The following PRKCB variants were observed in gnomAD, a reference collection of about 807,000 sequenced individuals.
The protein encoded by PRKCB is protein kinase C beta, also known as protein kinase C beta type.
In PRKCB, 13 loss-of-function variants were observed where a neutral mutation model predicts 81.5. The observed-to-expected ratio is 0.16, with a 90% confidence interval of 0.10 to 0.25. The LOEUF (loss-of-function observed/expected upper bound fraction) is 0.25. Among genes scored for constraint, PRKCB ranks in the 10% least tolerant of loss-of-function variants. PRKCB has a pLI of 1.00. For missense variants in PRKCB, 509 were observed against 875.7 expected (o/e 0.58, Z 5.29); for synonymous variants, 335 against 321.4 (o/e 1.04, Z -0.45).
At chr16:24,177,270 G>A (rs1015532543) in intron 12 of PRKCB, among the ~76,000 whole-genome samples, 2 of 152,178 alleles carry the variant, frequency 1.3e-5, no homozygotes, top group African/African-American at 4.8e-5. Flanking sequence ...CGGCTCACTG[G>A]CCAGGCAGGT....
intron 2 of PRKCB, among the ~76,000 whole-genome samples, chr16:23,885,052 T>A (rs1201898574): frequency 6.6e-6 from 1 of 152,038 alleles, no homozygotes; most frequent in East Asian, 1.9e-4. Flanking sequence ...TACTTTTAAG[T>A]AGTTATTGTG....
intron 15 of PRKCB, among the ~76,000 whole-genome samples, chr16:24,189,558 C>A (rs11648395): frequency 6.7e-6 from 1 of 148,156 alleles, no homozygotes; most frequent in African/African-American, 2.5e-5. Flanking sequence ...AGGAGAATGG[C>A]GTGAACCCGG....
intron 5 of PRKCB, among the ~76,000 whole-genome samples, chr16:24,058,373 T>C (rs1965931093): frequency 6.6e-6 from 1 of 152,100 alleles, no homozygotes; most frequent in African/African-American, 2.4e-5. Context: ...ACAATTGACA[T>C]GTACAGATGC....
chr16:24,036,820 G>A (rs1965628034), intron 5 of PRKCB, among the ~76,000 whole-genome samples: 1 of 152,112 alleles, frequency 6.6e-6, no homozygotes, highest in Non-Finnish European at 1.5e-5. Flanking sequence ...TGAGGTTCCC[G>A]ATGCTGGTGA....
chr16:24,027,738 A>G (rs985991926), intron 3 of PRKCB, among the ~76,000 whole-genome samples: 19 of 152,198 alleles, frequency 1.2e-4, no homozygotes, highest in Admixed American at 1.0e-3. Flanking sequence ...AGTCAGGTTT[A>G]TTGAGACATA....
intron 10 of PRKCB, 106 bp downstream of exon 10, chr16:24,154,963 T>G: frequency 7.6e-7 from 1 of 1,307,294 alleles, no homozygotes; most frequent in Non-Finnish European, 1.0e-6. Flanking sequence ...ACCCTTCCCT[T>G]TCTAGACACA....
chr16:24,001,783 T>G (rs1274907200), intron 3 of PRKCB, among the ~76,000 whole-genome samples: 1 of 152,120 alleles, frequency 6.6e-6, no homozygotes, highest in Non-Finnish European at 1.5e-5. Context: ...AAATAAACCT[T>G]TACAATTTTT....
At chr16:23,941,609 A>G (rs919333321) in intron 2 of PRKCB, among the ~76,000 whole-genome samples, 3 of 152,330 alleles carry the variant, frequency 2.0e-5, no homozygotes, top group African/African-American at 7.2e-5. Context: ...ATTATTAGGA[A>G]GTCTATTAAT....
chr16:24,049,831 G>C (rs1217032957), intron 5 of PRKCB, among the ~76,000 whole-genome samples: 1 of 152,220 alleles, frequency 6.6e-6, no homozygotes, highest in Non-Finnish European at 1.5e-5. Context: ...TTAGCATTGT[G>C]GGTGCTTAGC....
chr16:24,037,950 G>A (rs756302252), intron 5 of PRKCB, among the ~76,000 whole-genome samples: 1 of 152,014 alleles, frequency 6.6e-6, no homozygotes, highest in Non-Finnish European at 1.5e-5. Context: ...CGCTTTGGAA[G>A]ACCGAGGTGG....
chr16:24,155,311 G>A (rs576892105), intron 10 of PRKCB, among the ~76,000 whole-genome samples: 2 of 152,318 alleles, frequency 1.3e-5, no homozygotes, highest in South Asian at 4.1e-4. Context: ...GGACTCTCAG[G>A]GAAGGTACAC....
Position 24,124,862 on chromosome 16 carries a change from C to T in PRKCB, c.1065+881C>T, listed in dbSNP as rs143936530. Among the ~76,000 whole-genome samples the T allele has an allele frequency of 2.1e-3, 324 of 152,068 alleles. 1 individual carries two copies. Among genetic ancestry groups the T allele is most frequent in the African/African-American group, 7.2e-3 (299 of 41,354 alleles). On this transcript the variant is annotated intron_variant, in intron 9 of 16. Transcript: ENST00000643927. ...GTATTCCCACTGTTCCTGGCCACCG[C>T]CCCCCACAGCCATGTACAATGCATT...
At chr16:23,894,644 G>A (rs1963345686) in intron 2 of PRKCB, among the ~76,000 whole-genome samples, 1 of 152,206 alleles carries the variant, frequency 6.6e-6, no homozygotes, top group Non-Finnish European at 1.5e-5. Context: ...GAACCACCTG[G>A]CTGAGTCTAG....
intron 2 of PRKCB, among the ~76,000 whole-genome samples, chr16:23,873,216 A>C (rs1157336016): frequency 6.6e-6 from 1 of 150,580 alleles, no homozygotes; most frequent in African/African-American, 2.4e-5. Flanking sequence ...AAAAGAAAAA[A>C]AAAGTTAGCT....
At chr16:23,841,191 T>C (rs961431495) in intron 2 of PRKCB, among the ~76,000 whole-genome samples, 4 of 152,166 alleles carry the variant, frequency 2.6e-5, no homozygotes, top group African/African-American at 9.7e-5. Flanking sequence ...GCGATTCTTC[T>C]GCCTCAGCCT....
At chr16:24,178,212 A>G (rs1967565005) in intron 12 of PRKCB, among the ~76,000 whole-genome samples, 1 of 152,228 alleles carries the variant, frequency 6.6e-6, no homozygotes, top group Non-Finnish European at 1.5e-5. Context: ...TCTTCCTATC[A>G]AACTTAGTGT....
intron 5 of PRKCB, among the ~76,000 whole-genome samples, chr16:24,073,800 A>G (rs2141886867): frequency 6.6e-6 from 1 of 152,296 alleles, no homozygotes; most frequent in Middle Eastern, 3.4e-3. Flanking sequence ...GATCTTTTCC[A>G]GAAGGAGTCC....
At chr16:24,055,796 G>A (rs1231586336) in intron 5 of PRKCB, among the ~76,000 whole-genome samples, 1 of 152,126 alleles carries the variant, frequency 6.6e-6, no homozygotes, top group Non-Finnish European at 1.5e-5. Flanking sequence ...GTTTTGTAGG[G>A]GTGTGTGGTG....
chr16:24,150,770 C>T (rs1048526485), intron 9 of PRKCB, among the ~76,000 whole-genome samples: 9 of 152,162 alleles, frequency 5.9e-5, no homozygotes, highest in Non-Finnish European at 1.0e-4. Context: ...CAGACCGTCC[C>T]GCAAAGCCTA....
Sources: gnomAD v4.1 joint callset for allele counts (sites outside exome capture counted in the v4.1 genomes callset) on GRCh38, gnomAD v4.1.1 for gene constraint, MANE v1.5 for transcripts, NCBI Gene and HGNC (gene_info 2026-07-23, HGNC 2026-07-21) for gene names.